CDC14A: variants seen among roughly 807,000 people sequenced by gnomAD.
The protein encoded by CDC14A is cell division cycle 14A.
A neutral mutation model predicts 74.4 loss-of-function variants in CDC14A; 53 were observed. The observed-to-expected ratio is 0.71, with a 90% CI of 0.57 to 0.89. CDC14A has a LOEUF of 0.89. Among genes scored for constraint, CDC14A ranks in the 40% least tolerant of loss-of-function variants. The pLI is 0.00. For missense variants in CDC14A, 646 were observed against 713.7 expected, an observed-to-expected ratio of 0.91 and a Z score of 1.08; for synonymous variants, 247 against 258.4, an observed-to-expected ratio of 0.96 and a Z score of 0.43.
At chr1:100,416,573 C>T (rs1661554698) in intron 4 of CDC14A, among the ~76,000 whole-genome samples, 1 of 152,130 alleles carries the variant, frequency 6.6e-6, no homozygotes, top group African/African-American at 2.4e-5. Flanking sequence ...GGGACATTTA[C>T]AACCTCATAT....
intron 15 of CDC14A, among the ~76,000 whole-genome samples, chr1:100,515,261 C>T (rs1229894342): frequency 6.6e-6 from 1 of 152,152 alleles, no homozygotes; most frequent in African/African-American, 2.4e-5. Flanking sequence ...TTTAAATATT[C>T]CTGTCATCCA....
chr1:100,351,589 T>G, upstream of CDC14A: 2 of 631,172 alleles, frequency 3.2e-6, no homozygotes, highest in South Asian at 3.9e-5. Context: ...TTAACCTTCC[T>G]CCTTGGACCA....
At chr1:100,499,523 TA>T in intron 15 of CDC14A, 2 of 1,146,978 alleles carry the variant, frequency 1.7e-6, no homozygotes, top group Non-Finnish European at 2.4e-6. Flanking sequence ...TAGTTTCTCT[TA>T]AAAGGGAAAT....
rs114341422 is a variant in CDC14A at position 100,509,861 on chromosome 1, T to C, written c.1756-8390T>C. Among the ~76,000 whole-genome samples the C allele has an allele frequency of 3.7e-3, 558 of 152,358 alleles. 5 individuals carry two copies. The highest frequency in any genetic ancestry group is 0.012 in the African/African-American group (517 of 41,570). On this transcript the variant is annotated intron_variant, in intron 15 of 15. Transcript: ENST00000336454. ...TTGTGAGTCCTTCAGCCTTCTGTTA[T>C]GAAAAAGCAGTAGACTGTAAGAGAA... is the stretch of plus-strand genomic sequence containing the variant.
chr1:100,394,280 T>C (rs1003920219), intron 4 of CDC14A, among the ~76,000 whole-genome samples: 11 of 152,128 alleles, frequency 7.2e-5, no homozygotes, highest in Non-Finnish European at 4.4e-5. Flanking sequence ...CACAGCCAGC[T>C]AATTTCATTT....
intron 4 of CDC14A, 173 bp downstream of exon 4, chr1:100,390,997 CT>C: frequency 1.5e-6 from 1 of 663,862 alleles, no homozygotes; most frequent in Non-Finnish European, 2.8e-6. Context: ...AATGTTTACT[CT>C]TTAGATTTTA....
Position 100,518,838 on chromosome 1 carries a change from C to T in CDC14A, c.*558C>T, listed in dbSNP as rs1308668813. On this transcript the variant is annotated 3_prime_UTR_variant, in exon 16 of 16. Coordinates refer to ENST00000336454, the MANE Select transcript of CDC14A (RefSeq NM_003672.4). The stretch of plus-strand genomic sequence containing the variant: ...TTAGAAAGTGATTTTTATGCTCGCA[C>T]TATAAATATGGCAGGTCAGTTCATT... 2 of 152,580 alleles carry T rather than the reference C, an allele frequency of 1.3e-5. No homozygotes were observed. The highest frequency in any genetic ancestry group is 3.8e-4 in the East Asian group (2 of 5,196). 9.5% of individuals were successfully genotyped at this position (152,580 alleles called of 1,614,324 possible). A position where few individuals can be genotyped will look rare whatever the true frequency, so the allele number is the denominator to read the frequency against.
At chr1:100,511,297 A>G (rs1649756678) in intron 15 of CDC14A, among the ~76,000 whole-genome samples, 1 of 152,132 alleles carries the variant, frequency 6.6e-6, no homozygotes, top group Non-Finnish European at 1.5e-5. Flanking sequence ...GGGAAAGAGA[A>G]GCCTGCACTT....
chr1:100,375,252 T>C (rs930434463), intron 2 of CDC14A, among the ~76,000 whole-genome samples: 2 of 152,184 alleles, frequency 1.3e-5, no homozygotes, highest in African/African-American at 4.8e-5. Flanking sequence ...GAATAAGGAA[T>C]GGACATGTTT....
chr1:100,360,699 T>C (rs569946979), intron 2 of CDC14A, among the ~76,000 whole-genome samples: 74 of 152,214 alleles, frequency 4.9e-4, no homozygotes, highest in Non-Finnish European at 8.8e-4. Context: ...TAGATAATGA[T>C]TTATTTAAAT....
At chr1:100,353,110 G>A (rs1570931824) in intron 1 of CDC14A, 107 bp downstream of exon 1, 4 of 1,228,656 alleles carry the variant, frequency 3.3e-6, no homozygotes, top group East Asian at 5.0e-5. Context: ...TCCTGCAGCC[G>A]CTGCGCGCGC....
chr1:100,444,637 T>TC (rs903650943), intron 7 of CDC14A, among the ~76,000 whole-genome samples: 1 of 152,150 alleles, frequency 6.6e-6, no homozygotes, highest in African/African-American at 2.4e-5. Context: ...CCTTTTAACC[T>TC]CCCGCTCCTC....
At chr1:100,354,929 A>G (rs991927559) in intron 2 of CDC14A, among the ~76,000 whole-genome samples, 7 of 152,214 alleles carry the variant, frequency 4.6e-5, no homozygotes, top group East Asian at 1.9e-4. Context: ...GGGGAAAACA[A>G]TCTTTGTCAC....
At chr1:100,346,760 C>G (rs1238159381) in intron 1 of CDC14A, among the ~76,000 whole-genome samples, 1 of 152,100 alleles carries the variant, frequency 6.6e-6, no homozygotes, top group East Asian at 1.9e-4. Flanking sequence ...ATTGACTACT[C>G]TGAAGTATAT....
At chr1:100,428,856 G>T (rs1192499204) in intron 5 of CDC14A, among the ~76,000 whole-genome samples, 1 of 152,064 alleles carries the variant, frequency 6.6e-6, no homozygotes, top group Non-Finnish European at 1.5e-5. Flanking sequence ...TATGTATCAG[G>T]TTGGTACGTT....
At chr1:100,489,582 G>T (rs1272640369) in intron 11 of CDC14A, among the ~76,000 whole-genome samples, 6 of 146,876 alleles carry the variant, frequency 4.1e-5, no homozygotes, top group South Asian at 4.2e-4. Context: ...CATCACTCAT[G>T]TTTTTTTTTT....
In CDC14A at chr1:100,395,733, TTA is replaced by T. The variant is rs1332076433; in HGVS notation, c.309+4911_309+4912del. On this transcript the variant is annotated intron_variant, in intron 4 of 15. Transcript: ENST00000336454. Reference sequence around the variant, plus strand: ...TTGCTCACTGATCTTGGCATAAAATTTATCCTTACCAATGCCATTAAGATCCT... The same window carrying T: ...TTGCTCACTGATCTTGGCATAAAATTTCCTTACCAATGCCATTAAGATCCT... 2.6e-5 allele frequency among the ~76,000 whole-genome samples: 4 copies of T among 152,320 alleles called. No homozygotes were observed. In the South Asian group the frequency reaches 8.3e-4, roughly 32 times the overall value.
Position 100,412,710 on chromosome 1 carries a change from A to ATATATATATATTT in CDC14A, c.310-11501_310-11500insTTTATATATATAT, listed in dbSNP as rs1553178942. On this transcript the variant is annotated intron_variant, in intron 4 of 15. Coordinates refer to ENST00000336454, the MANE Select transcript of CDC14A (RefSeq NM_003672.4). Reference sequence around the variant, plus strand: ...TCCTGTATGTTTTATATATATATATATATATATATATATTTTATATATATA... The same window carrying ATATATATATATTT: ...TCCTGTATGTTTTATATATATATATATATATATATATTTTATATATATATATTTTATATATATA... 5.4e-3 allele frequency among the ~76,000 whole-genome samples: 517 copies of ATATATATATATTT among 95,926 alleles called. 12 individuals carry two copies. The highest frequency in any genetic ancestry group is 8.0e-3 in the Non-Finnish European group (442 of 55,080). 62.9% of individuals were successfully genotyped at this position (95,926 alleles called of 152,430 possible).
At chr1:100,373,714 G>A (rs1345591506) in intron 2 of CDC14A, among the ~76,000 whole-genome samples, 1 of 152,066 alleles carries the variant, frequency 6.6e-6, no homozygotes, top group East Asian at 1.9e-4. Context: ...TGGGTATTTT[G>A]TTTACATTTA....
Sources: gnomAD v4.1 joint callset for allele counts (sites outside exome capture counted in the v4.1 genomes callset) on GRCh38, gnomAD v4.1.1 for gene constraint, MANE v1.5 for transcripts, NCBI Gene and HGNC (gene_info 2026-07-23, HGNC 2026-07-21) for gene names.